TSPAN15: variants seen among roughly 807,000 people sequenced by gnomAD.
The protein encoded by TSPAN15 is tetraspanin-15.
A neutral mutation model predicts 34.5 loss-of-function variants in TSPAN15; 20 were observed. That is an observed-to-expected ratio of 0.58 (90% confidence interval 0.41 to 0.84). The LOEUF (loss-of-function observed/expected upper bound fraction) is 0.84, where lower values mean the gene tolerates loss of function less well. Ranked by LOEUF, TSPAN15 falls within the 40% of genes least tolerant of loss-of-function variation. The pLI is 0.00. For synonymous variants in TSPAN15, 155 were observed against 153.9 expected (o/e 1.01, Z -0.05); for missense variants, 313 against 386.1 (o/e 0.81, Z 1.59).
intron 1 of TSPAN15, among the ~76,000 whole-genome samples, chr10:69,456,642 G>C (rs1841116744): frequency 6.6e-6 from 1 of 152,136 alleles, no homozygotes; most frequent in African/African-American, 2.4e-5. Context: ...GGATGTCATG[G>C]GTGCTGAAGG....
At chr10:69,457,091 A>G (rs898005419) in intron 1 of TSPAN15, among the ~76,000 whole-genome samples, 3 of 152,188 alleles carry the variant, frequency 2.0e-5, no homozygotes, top group African/African-American at 7.2e-5. Context: ...CCCTCAGCCC[A>G]TTGGGGACAC....
the TSPAN15 span, among the ~76,000 whole-genome samples, chr10:69,537,526 C>T: frequency 6.6e-6 from 1 of 152,232 alleles, no homozygotes; most frequent in African/African-American, 2.4e-5. Context: ...AGCCCTCTCT[C>T]CTGGCTTCTG....
At chr10:69,527,973 G>A in the TSPAN15 span, among the ~76,000 whole-genome samples, 1 of 148,174 alleles carries the variant, frequency 6.7e-6, no homozygotes, top group Admixed American at 7.0e-5. Context: ...GATCTTTGGG[G>A]TGTCACTCTT....
At chr10:69,476,661 T>G (rs913747554) in intron 1 of TSPAN15, among the ~76,000 whole-genome samples, 2 of 151,822 alleles carry the variant, frequency 1.3e-5, no homozygotes, top group Non-Finnish European at 2.9e-5. Flanking sequence ...TGATGTCCAG[T>G]TTTTATAAAG....
At chr10:69,457,548 G>A (rs1436589545) in intron 1 of TSPAN15, among the ~76,000 whole-genome samples, 1 of 152,178 alleles carries the variant, frequency 6.6e-6, no homozygotes, top group Non-Finnish European at 1.5e-5. Context: ...GGGGCAAGTA[G>A]GGAGGAGCTG....
intron 3 of TSPAN15, among the ~76,000 whole-genome samples, chr10:69,492,237 C>G (rs895978335): frequency 3.3e-5 from 5 of 152,116 alleles, no homozygotes; most frequent in Non-Finnish European, 2.9e-5. Flanking sequence ...CTTCCCTGTC[C>G]TCTGAGTGGC....
At chr10:69,528,227 G>T in the TSPAN15 span, among the ~76,000 whole-genome samples, 10 of 148,356 alleles carry the variant, frequency 6.7e-5, 1 homozygote, top group Admixed American at 6.9e-4. Flanking sequence ...TGTGGCTGGG[G>T]CAGGCGCACT....
chr10:69,459,639 G>A (rs1020737435), intron 1 of TSPAN15, among the ~76,000 whole-genome samples: 21 of 152,176 alleles, frequency 1.4e-4, no homozygotes, highest in Admixed American at 1.4e-3. Flanking sequence ...GCTGTGGGTG[G>A]AGAGGGTGGC....
chr10:69,472,370 C>A (rs1259481851), intron 1 of TSPAN15, among the ~76,000 whole-genome samples: 7 of 152,200 alleles, frequency 4.6e-5, no homozygotes. Flanking sequence ...CCTGATCTTG[C>A]CTTTCTGATT....
chr10:69,534,357 C>T, the TSPAN15 span, among the ~76,000 whole-genome samples: 2 of 152,002 alleles, frequency 1.3e-5, no homozygotes, highest in African/African-American at 4.8e-5. Flanking sequence ...GAGACACCAG[C>T]GTAAAGACTG....
intron 1 of TSPAN15, among the ~76,000 whole-genome samples, chr10:69,475,415 C>G (rs1379075228): frequency 1.3e-5 from 2 of 152,164 alleles, no homozygotes; most frequent in African/African-American, 4.8e-5. Flanking sequence ...GAGTCCTTCT[C>G]TGGTTTCCCC....
rs150067289 is a variant in TSPAN15 at position 69,485,189 on chromosome 10, G to A, written c.331G>A (p.Val111Met). Reference sequence around the variant, plus strand: ...CCTCATCATGGAGCTCATTGGTGGCGTGGTGGCCTTGACCTTCCGGAACCA... The same window carrying A: ...CCTCATCATGGAGCTCATTGGTGGCATGGTGGCCTTGACCTTCCGGAACCA... ...ICLIMELIGGVVALTFRNQTI... is the reference protein window; with the variant it reads ...ICLIMELIGGMVALTFRNQTI... Residue 111 changes from valine to methionine, a missense_variant, in exon 3 of 8, where the codon GTG becomes ATG. Coordinates refer to ENST00000373290, the MANE Select transcript of TSPAN15 (RefSeq NM_012339.5). 3,457 of 1,614,142 alleles carry A rather than the reference G, an allele frequency of 2.1e-3. 8 individuals are homozygous for A. The highest frequency in any genetic ancestry group is 2.6e-3 in the Non-Finnish European group (3,096 of 1,180,016).
chr10:69,485,848 C>T (rs532980500), intron 3 of TSPAN15, among the ~76,000 whole-genome samples: 1 of 151,994 alleles, frequency 6.6e-6, no homozygotes, highest in South Asian at 2.1e-4. Context: ...GCCAAAAAGG[C>T]GATTTGATGT....
intron 3 of TSPAN15, chr10:69,494,889 C>T (rs2133136969): frequency 1.0e-6 from 1 of 981,686 alleles, no homozygotes; most frequent in Non-Finnish European, 1.2e-6. Flanking sequence ...GCTTCTGGGT[C>T]TCAGCACAAC....
the TSPAN15 span, among the ~76,000 whole-genome samples, chr10:69,524,766 TA>T: frequency 7.7e-6 from 1 of 130,162 alleles, no homozygotes; most frequent in African/African-American, 2.9e-5. Flanking sequence ...ATAACAAGAT[TA>T]TATATATATA....
chr10:69,530,816 CTCTCTATA>C, the TSPAN15 span, among the ~76,000 whole-genome samples: 161 of 52,256 alleles, frequency 3.1e-3, no homozygotes, highest in Middle Eastern at 8.9e-3. Context: ...CTCTCTCTCT[CTCTCTATA>C]TATATATATA....
chr10:69,539,481 G>GAA, the TSPAN15 span, among the ~76,000 whole-genome samples: 291 of 65,822 alleles, frequency 4.4e-3, 1 homozygote, highest in African/African-American at 5.7e-3. Context: ...AGAAGGAGAA[G>GAA]GAGAAGAAGA....
the TSPAN15 span, among the ~76,000 whole-genome samples, chr10:69,536,383 C>A: frequency 3.3e-5 from 5 of 152,168 alleles, no homozygotes; most frequent in Non-Finnish European, 4.4e-5. Context: ...AGACACTATG[C>A]TAGGCATTGA....
intron 1 of TSPAN15, 131 bp downstream of exon 1, chr10:69,451,821 G>A: frequency 1.6e-6 from 1 of 631,712 alleles, no homozygotes. Flanking sequence ...CGGACTCCTT[G>A]TCTTTCTACC....
Sources: gnomAD v4.1 joint callset for allele counts (sites outside exome capture counted in the v4.1 genomes callset) on GRCh38, gnomAD v4.1.1 for gene constraint, MANE v1.5 for transcripts, NCBI Gene and HGNC (gene_info 2026-07-23, HGNC 2026-07-21) for gene names.